The following PACRG variants were observed in gnomAD, a reference collection of about 807,000 sequenced individuals.
PACRG encodes parkin coregulated gene protein.
In PACRG, 29 loss-of-function variants were observed where a neutral mutation model predicts 29.7. The ratio of observed to expected loss-of-function variants is 0.98; its 90% CI spans 0.73 to 1.33. PACRG has a LOEUF of 1.33. PACRG is among the 40% of genes most tolerant of loss of function. The pLI, the probability that PACRG is intolerant of heterozygous loss-of-function variation, is 0.00. For synonymous variants in PACRG, 116 were observed against 118.7 expected (o/e 0.98, Z 0.15); for missense variants, 279 against 316.2 (o/e 0.88, Z 0.89).
intron 4 of PACRG, among the ~76,000 whole-genome samples, chr6:163,175,603 G>T (rs763887563): frequency 6.6e-6 from 1 of 152,002 alleles, no homozygotes; most frequent in Non-Finnish European, 1.5e-5. Flanking sequence ...AGCTGCTGGG[G>T]TGCATAAGGG....
At chr6:163,303,385 A>G (rs549624421) in intron 4 of PACRG, among the ~76,000 whole-genome samples, 2 of 152,322 alleles carry the variant, frequency 1.3e-5, no homozygotes, top group African/African-American at 4.8e-5. Flanking sequence ...TCACAGAAAA[A>G]AAAATCAGAG....
intron 2 of PACRG, chr6:163,016,273 G>T (rs1044357483): frequency 3.3e-5 from 5 of 152,142 alleles, no homozygotes; most frequent in African/African-American, 1.2e-4. Context: ...CTTTTTAAAA[G>T]ATTTTTAAAG....
At chr6:163,304,704 G>A (rs1341570788) in intron 4 of PACRG, among the ~76,000 whole-genome samples, 3 of 152,154 alleles carry the variant, frequency 2.0e-5, no homozygotes, top group Admixed American at 6.5e-5. Flanking sequence ...ATATTCCCAT[G>A]GGGAATTTAG....
chr6:162,921,274 C>T (rs956989780), intron 2 of PACRG, among the ~76,000 whole-genome samples: 7 of 152,038 alleles, frequency 4.6e-5, no homozygotes, highest in African/African-American at 1.2e-4. Context: ...GCTAGAAGAC[C>T]GGGGGGAGCA....
chr6:162,953,669 G>T (rs1003378328), intron 2 of PACRG, among the ~76,000 whole-genome samples: 1 of 152,032 alleles, frequency 6.6e-6, no homozygotes, highest in African/African-American at 2.4e-5. Context: ...AGAGCTTGCT[G>T]TCCTCCCGCT....
chr6:162,904,638 A>G (rs1795803614), intron 2 of PACRG, among the ~76,000 whole-genome samples: 1 of 152,206 alleles, frequency 6.6e-6, no homozygotes, highest in Non-Finnish European at 1.5e-5. Context: ...ATGTTAAATG[A>G]CGTTCAGAAA....
At chr6:163,019,431 G>T (rs927940889) in intron 2 of PACRG, among the ~76,000 whole-genome samples, 2 of 152,040 alleles carry the variant, frequency 1.3e-5, no homozygotes, top group Non-Finnish European at 1.5e-5. Context: ...GGGCAGCTCC[G>T]CTCGATTTGG....
At chr6:162,727,706 G>A (rs368314176), upstream of PACRG, 22 of 1,558,390 alleles carry the variant, frequency 1.4e-5, no homozygotes, top group African/African-American at 9.6e-5. Context: ...CCAGGAACAG[G>A]CCCATGCGCG....
At chr6:162,849,290 C>T (rs938642071) in intron 2 of PACRG, among the ~76,000 whole-genome samples, 2 of 152,128 alleles carry the variant, frequency 1.3e-5, no homozygotes. Flanking sequence ...CAGACAAGTC[C>T]GTGTGCAATA....
At chr6:163,228,636 T>G (rs1049864028) in intron 4 of PACRG, among the ~76,000 whole-genome samples, 30 of 152,190 alleles carry the variant, frequency 2.0e-4, no homozygotes, top group Non-Finnish European at 2.6e-4. Flanking sequence ...TCGGCAATAC[T>G]GCAGAAGTAA....
intron 2 of PACRG, among the ~76,000 whole-genome samples, chr6:162,995,449 C>T (rs1187379363): frequency 6.6e-6 from 1 of 152,148 alleles, no homozygotes; most frequent in East Asian, 1.9e-4. Context: ...CGTGGTGCGC[C>T]GTTTTTTAAG....
In PACRG at chr6:163,029,235, C is replaced by A. The variant is rs557743335; in HGVS notation, c.292-32915C>A. 2.6e-5 allele frequency among the ~76,000 whole-genome samples: 4 copies of A among 152,324 alleles called. No individual in the cohort carries two copies. The South Asian group carries it at 8.3e-4, about 32-fold the overall frequency. On this transcript the variant is annotated intron_variant, in intron 2 of 4. Transcript: ENST00000366888. The stretch of plus-strand genomic sequence containing the variant: ...CTCCAGAACCAGAACCAGCCTGAAC[C>A]AATGCAGCTCTGCTACCACCTTGAT...
intron 2 of PACRG, among the ~76,000 whole-genome samples, chr6:163,004,491 G>T (rs1033976006): frequency 6.6e-6 from 1 of 151,458 alleles, no homozygotes; most frequent in African/African-American, 2.4e-5. Context: ...AAGGGAAGGG[G>T]GAAGAGCGCC....
chr6:162,798,972 G>A (rs553139242), intron 1 of PACRG, among the ~76,000 whole-genome samples: 34 of 152,192 alleles, frequency 2.2e-4, no homozygotes, highest in African/African-American at 8.2e-4. Flanking sequence ...AGTAAATAAC[G>A]CTATGCAAAA....
intron 4 of PACRG, among the ~76,000 whole-genome samples, chr6:163,301,490 A>G (rs1211359744): frequency 1.3e-5 from 2 of 152,250 alleles, no homozygotes; most frequent in Admixed American, 6.5e-5. Flanking sequence ...AAAAAAACTC[A>G]TAAAGGGACA....
chr6:162,931,990 T>C (rs563704092), intron 2 of PACRG, among the ~76,000 whole-genome samples: 2 of 151,964 alleles, frequency 1.3e-5, no homozygotes, highest in Non-Finnish European at 2.9e-5. Flanking sequence ...GTAAATACCC[T>C]AAACTGGAAA....
intron 2 of PACRG, among the ~76,000 whole-genome samples, chr6:162,883,004 A>AG (rs1794028508): frequency 6.6e-6 from 1 of 152,244 alleles, no homozygotes; most frequent in Non-Finnish European, 1.5e-5. Context: ...CCTCACTGGC[A>AG]GGGGCACCTC....
intron 2 of PACRG, among the ~76,000 whole-genome samples, chr6:162,934,386 C>T (rs760664131): frequency 1.3e-5 from 2 of 152,192 alleles, no homozygotes; most frequent in Non-Finnish European, 2.9e-5. Flanking sequence ...TTAGGCCCCA[C>T]CTTTAAAATT....
At chr6:163,216,054 G>A (rs976025547) in intron 4 of PACRG, among the ~76,000 whole-genome samples, 4 of 152,208 alleles carry the variant, frequency 2.6e-5, no homozygotes, top group Non-Finnish European at 5.9e-5. Context: ...TGAGTCTTAA[G>A]TAATTTTAGA....
Sources: allele counts gnomAD v4.1 joint callset (sites outside exome capture counted in the v4.1 genomes callset), GRCh38; gene constraint gnomAD v4.1.1; transcripts MANE v1.5; gene names NCBI Gene and HGNC (gene_info 2026-07-23, HGNC 2026-07-21).